XPC: variants seen among roughly 807,000 people sequenced by gnomAD.
The protein encoded by XPC is XPC complex subunit, DNA damage recognition and repair factor.
XPC carries 76 observed loss-of-function variants against 95.8 expected under a neutral mutation model. The observed-to-expected ratio is 0.79, with a 90% CI of 0.66 to 0.96. The LOEUF (loss-of-function observed/expected upper bound fraction) is 0.96, where lower values mean the gene tolerates loss of function less well. XPC is among the 40% of genes least tolerant of loss of function. XPC has a pLI of 0.00. For synonymous variants in XPC, 442 were observed against 442.1 expected, an observed-to-expected ratio of 1.00 and a Z score of 0.00; for missense variants, 1,146 against 1,179.8, an observed-to-expected ratio of 0.97 and a Z score of 0.42.
intron 12 of XPC, 40 bp downstream of exon 12, chr3:14,148,774 A>G (rs1695556931): frequency 6.2e-7 from 1 of 1,613,440 alleles, no homozygotes; most frequent in South Asian, 1.1e-5. Context: ...GCAGGGGAAC[A>G]AGGCGGCCTG....
intron 15 of XPC, 56 bp from the exon 16 acceptor site, chr3:14,146,215 G>C (rs55876983): frequency 2.0e-6 from 3 of 1,505,368 alleles, no homozygotes; most frequent in African/African-American, 2.8e-5. Context: ...TCAGATACCA[G>C]GAAGCCCCAT....
intron 13 of XPC, chr3:14,148,217 G>A (rs1030640807): frequency 3.4e-6 from 2 of 584,136 alleles, no homozygotes; most frequent in Admixed American, 6.4e-5. Flanking sequence ...AGAAAGCTGG[G>A]GTGAAAGCCC....
chr3:14,153,880 T>A (rs527520817), intron 10 of XPC, among the ~76,000 whole-genome samples: 52 of 152,348 alleles, frequency 3.4e-4, no homozygotes, highest in Admixed American at 8.5e-4. Context: ...AGCACCAACC[T>A]GCCAGAGCTC....
At chr3:14,163,494 C>T (rs72624479) in intron 7 of XPC, among the ~76,000 whole-genome samples, 3,443 of 152,190 alleles carry the variant, frequency 0.023, 209 homozygotes, top group East Asian at 0.22. Flanking sequence ...AAAAGACAGG[C>T]AGAAAAGGCC....
At chr3:14,150,234 G>A (rs938200898) in intron 11 of XPC, among the ~76,000 whole-genome samples, 5 of 152,252 alleles carry the variant, frequency 3.3e-5, no homozygotes, top group African/African-American at 1.2e-4. Flanking sequence ...GAGGAGTCAG[G>A]CATGGGCGTG....
At chr3:14,153,496 G>C (rs566210910) in intron 10 of XPC, 1 of 152,818 alleles carries the variant, frequency 6.5e-6, no homozygotes, top group East Asian at 1.9e-4. Flanking sequence ...CCCAACTGTA[G>C]GCTAATGTGT....
chr3:14,145,970 A>T lies in XPC; in HGVS notation c.2794T>A (p.Ser932Thr). 6.2e-7 allele frequency: 1 copy of T among 1,608,274 alleles called. No individual in the cohort carries two copies. The highest frequency in any genetic ancestry group is 8.5e-7 in the Non-Finnish European group (1 of 1,175,748). The change falls in exon 16 of 16, where the codon TCC becomes ACC. Residue 932 changes from serine to threonine, a missense_variant. Ser to Thr is a moderately conservative substitution (Grantham distance 58, BLOSUM62 1). Transcript: ENST00000285021. The stretch of plus-strand genomic sequence containing the variant: ...AGCTGCTCAAATGGGAACAGGTGGG[A>T]AGCTGCTGCTTTCTTTTCCCTTTTG... Reference protein sequence around the residue: ...KTKREKKAAASHLFPFEQL With the variant: ...KTKREKKAAATHLFPFEQL
At chr3:14,156,561 T>C in intron 9 of XPC, 66 bp from the exon 10 acceptor site, 1 of 1,605,068 alleles carries the variant, frequency 6.2e-7, no homozygotes. Context: ...TTGAGGGAGA[T>C]GATCCTTAGA....
intron 14 of XPC, 108 bp downstream of exon 14, chr3:14,147,800 G>T: frequency 1.0e-6 from 1 of 983,248 alleles, no homozygotes; most frequent in Non-Finnish European, 1.5e-6. Context: ...GTCAGAGAGG[G>T]CTGGGAAGAG....
chr3:14,161,987 T>C (rs1050512705), intron 7 of XPC, among the ~76,000 whole-genome samples: 1 of 152,120 alleles, frequency 6.6e-6, no homozygotes, highest in African/African-American at 2.4e-5. Flanking sequence ...AAAAAATCAG[T>C]TGTGTTTCTA....
chr3:14,178,220 G>A, intron 1 of XPC: 1 of 523,660 alleles, frequency 1.9e-6, no homozygotes, highest in Non-Finnish European at 3.3e-6. Flanking sequence ...GGACAACGGG[G>A]AGCGGGAAAA....
intron 11 of XPC, among the ~76,000 whole-genome samples, chr3:14,150,189 G>A (rs1242336700): frequency 1.3e-5 from 2 of 152,244 alleles, no homozygotes; most frequent in Non-Finnish European, 1.5e-5. Flanking sequence ...TGAGAGGGGC[G>A]CAGGACAGGC....
chr3:14,169,189 C>T (rs1168349446), intron 3 of XPC, among the ~76,000 whole-genome samples: 1 of 152,170 alleles, frequency 6.6e-6, no homozygotes, highest in Non-Finnish European at 1.5e-5. Context: ...GGTAGTACAG[C>T]TAGCTTAAAG....
In XPC at chr3:14,158,714, C is replaced by T. The variant is rs1183264012; in HGVS notation, c.1169G>A (p.Arg390Lys). ...SAKGKRNKGGRKKRSKPSSSE... is the reference protein window; with the variant it reads ...SAKGKRNKGGKKKRSKPSSSE... ...GGAGGAGGGCTTGCTCCGTTTCTTT[C>T]TGCCTCCCTTGTTCCTCTTCCCTTT... is the stretch of plus-strand genomic sequence containing the variant. The change falls in exon 9 of 16, where the codon AGA (arginine) becomes AAA (lysine). Residue 390 changes from arginine to lysine, a missense_variant. Coordinates refer to ENST00000285021, the MANE Select transcript of XPC (RefSeq NM_004628.5). This position sits in a 1 kb window ranked among gnomAD's most constrained non-coding sequence, Gnocchi z 5.2. The T allele has an allele frequency of 6.2e-7, 1 of 1,613,816 alleles. No homozygotes were observed. Among genetic ancestry groups the T allele is most frequent in the Non-Finnish European group, 8.5e-7 (1 of 1,179,902 alleles).
At chr3:14,162,960 A>G (rs1235383347) in intron 7 of XPC, among the ~76,000 whole-genome samples, 1 of 152,202 alleles carries the variant, frequency 6.6e-6, no homozygotes, top group African/African-American at 2.4e-5. Flanking sequence ...AAATACTTGA[A>G]CAGACATGTC....
Position 14,156,510 on chromosome 3 carries a change from C to T in XPC, c.1873-15G>A, listed in dbSNP as rs1319408245. ...TTAGCCTGAAACTGCAAAGGCCAGA[C>T]AGACAAGGTTGAGCATGTTATTTAG... On this transcript the variant is annotated splice_polypyrimidine_tract_variant and intron_variant, in intron 9 of 15. Coordinates refer to ENST00000285021, the MANE Select transcript of XPC (RefSeq NM_004628.5). 10 of 1,613,614 alleles carry T rather than the reference C, an allele frequency of 6.2e-6. No homozygotes were observed. Among genetic ancestry groups the T allele is most frequent in the Non-Finnish European group, 8.5e-6 (10 of 1,179,776 alleles).
intron 9 of XPC, among the ~76,000 whole-genome samples, 197 bp downstream of exon 9, chr3:14,157,814 T>A (rs1439287272): frequency 6.6e-6 from 1 of 152,164 alleles, no homozygotes; most frequent in Non-Finnish European, 1.5e-5. Context: ...ACCGCGGCAG[T>A]TCATCTTTCA....
In XPC at chr3:14,148,557, C is replaced by T. The variant is rs1209221597; in HGVS notation, c.2420+5G>A. The T allele has an allele frequency of 4.3e-6, 7 of 1,613,636 alleles. No homozygotes were observed. The highest frequency in any genetic ancestry group is 2.2e-5 in the East Asian group (1 of 44,872). ...TTTAGCCTCCATCGAAGGCCCCTCACGCACACGGGATGGGAGTAGCCGCCA... is the reference window on the plus strand; with the variant it reads ...TTTAGCCTCCATCGAAGGCCCCTCATGCACACGGGATGGGAGTAGCCGCCA... On this transcript the variant is annotated splice_donor_5th_base_variant and intron_variant, in intron 13 of 15. Transcript: ENST00000285021.
chr3:14,145,489 C>T lies in XPC; in HGVS notation c.*452G>A, dbSNP rs554938831. The T allele has an allele frequency of 1.2e-4, 84 of 697,704 alleles. 1 individual carries two copies. The East Asian group carries it at 1.4e-3, about 12-fold the overall frequency. The allele number at this position is 697,704 out of a possible 1,614,324, so 43.2% of individuals were successfully genotyped here. On this transcript the variant is annotated 3_prime_UTR_variant, in exon 16 of 16. Transcript: ENST00000285021. Reference sequence around the variant, plus strand: ...GCCTGCAGAGAAATGGTCCTAGGTCCGCAACCGAGGCGAGTGAACTTGTCG... The same window carrying T: ...GCCTGCAGAGAAATGGTCCTAGGTCTGCAACCGAGGCGAGTGAACTTGTCG...
Sources: gnomAD v4.1 joint callset for allele counts (sites outside exome capture counted in the v4.1 genomes callset) on GRCh38, gnomAD v4.1.1 for gene constraint, Gnocchi (gnomAD v3.1) non-coding constraint, MANE v1.5 for transcripts, NCBI Gene and HGNC (gene_info 2026-07-23, HGNC 2026-07-21) for gene names.